Variants in H3-3A observed in about 807,000 individuals in gnomAD.
The protein encoded by H3-3A is H3.3 histone A.
For synonymous variants in H3-3A, 49 were observed against 61.4 expected, an observed-to-expected ratio of 0.80 and a Z score of 0.95; for missense variants, 7 against 184.0, an observed-to-expected ratio of 0.04 and a Z score of 5.57.
At chr1:226,068,547 A>G (rs1197224205) in intron 3 of H3-3A, among the ~76,000 whole-genome samples, 1 of 152,222 alleles carries the variant, frequency 6.6e-6, no homozygotes, top group African/African-American at 2.4e-5. Context: ...GGAGGCTACA[A>G]TATGCCATTT....
chr1:226,069,486 A>G (rs1322872213), intron 3 of H3-3A, among the ~76,000 whole-genome samples: 2 of 152,222 alleles, frequency 1.3e-5, no homozygotes, highest in Non-Finnish European at 2.9e-5. Context: ...CTCCAGATCC[A>G]AAACTGTTGG....
upstream of H3-3A, chr1:226,062,199 C>T (rs952944775): frequency 5.9e-5 from 9 of 151,476 alleles, no homozygotes; most frequent in East Asian, 7.8e-4. Context: ...CCTCCTCCCC[C>T]ACTGCCGCCC....
intron 3 of H3-3A, among the ~76,000 whole-genome samples, chr1:226,071,026 A>G (rs1658104478): frequency 6.6e-6 from 1 of 152,214 alleles, no homozygotes; most frequent in Non-Finnish European, 1.5e-5. Context: ...AGAGTGTTAA[A>G]TTGGATTTCT....
At chr1:226,069,692 G>A (rs529382916) in intron 3 of H3-3A, among the ~76,000 whole-genome samples, 45 of 152,194 alleles carry the variant, frequency 3.0e-4, no homozygotes, top group African/African-American at 1.0e-3. Flanking sequence ...TTAGCTGGAC[G>A]TGATGGTGCA....
intron 3 of H3-3A, among the ~76,000 whole-genome samples, chr1:226,069,705 C>T (rs1035716521): frequency 1.3e-5 from 2 of 152,150 alleles, no homozygotes; most frequent in Non-Finnish European, 2.9e-5. Flanking sequence ...ATGGTGCATG[C>T]CTGTAATCCC....
At position 226,064,494 on chromosome 1, in the gene H3-3A, G is replaced by GA. The variant is rs758609953; in HGVS notation, c.128+22dup. 1.3e-5 allele frequency: 20 copies of GA among 1,590,990 alleles called. No homozygotes were observed. The highest frequency in any genetic ancestry group is 3.5e-5 in the Admixed American group (2 of 56,756). On this transcript the variant is annotated intron_variant, in intron 2 of 3. Coordinates refer to ENST00000366815, the MANE Select transcript of H3-3A (RefSeq NM_002107.7). ...CATCGTTACAGGTATTAAAAAACAGGAAAAAAATGGGACAAAGTCTCTCTT... is the reference window on the plus strand; with the variant it reads ...CATCGTTACAGGTATTAAAAAACAGGAAAAAAAATGGGACAAAGTCTCTCTT...
intron 3 of H3-3A, chr1:226,066,077 C>G: frequency 4.1e-6 from 2 of 491,206 alleles, no homozygotes; most frequent in East Asian, 5.9e-5. Flanking sequence ...GCACTAAAAA[C>G]AATATTTAAA....
intron 1 of H3-3A, chr1:226,063,862 C>T (rs1470479547): frequency 1.4e-5 from 2 of 144,652 alleles, no homozygotes; most frequent in Non-Finnish European, 1.5e-5. Flanking sequence ...AGAATATTTT[C>T]AGATATTTAC....
Position 226,071,445 on chromosome 1 carries a change from A to G in H3-3A, c.377A>G (p.Gln126Arg), listed in dbSNP as rs1276519904. 1 of 1,165,556 alleles carries G rather than the reference A, an allele frequency of 8.6e-7. No homozygotes were observed. The highest frequency in any genetic ancestry group is 1.2e-5 in the South Asian group (1 of 80,902). 72.2% of individuals were successfully genotyped at this position (1,165,556 alleles called of 1,614,324 possible). A position where few individuals can be genotyped will look rare whatever the true frequency, so the allele number is the denominator to read the frequency against. Residue 126 changes from glutamine to arginine, a missense_variant, in exon 4 of 4, where the codon CAG becomes CGG. Physicochemically the swap from Gln to Arg is conservative, Grantham distance 43. Coordinates refer to ENST00000366815, the MANE Select transcript of H3-3A (RefSeq NM_002107.7). Reference protein sequence around the residue: ...KRVTIMPKDIQLARRIRGERA With the variant: ...KRVTIMPKDIRLARRIRGERA ...GTAACAATTATGCCAAAAGACATCC[A>G]GCTAGCACGCCGCATACGTGGAGAA... is the stretch of plus-strand genomic sequence containing the variant.
In H3-3A at chr1:226,062,756, T is replaced by TCTCCAA. The variant is rs1657770943; in HGVS notation, c.-77_-72dup. ...GCAGCCGCCGCCGCGCCGCCGTCGC[T>TCTCCAA]CTCCAACGCCAGCGCCGCCTCTCGC... is the stretch of plus-strand genomic sequence containing the variant. On this transcript the variant is annotated 5_prime_UTR_variant, in exon 1 of 4. Coordinates refer to ENST00000366815, the MANE Select transcript of H3-3A (RefSeq NM_002107.7). 5.9e-6 allele frequency: 1 copy of TCTCCAA among 168,594 alleles called. No homozygotes were observed. Among genetic ancestry groups the TCTCCAA allele is most frequent in the Non-Finnish European group, 1.3e-5 (1 of 74,352 alleles). The allele number at this position is 168,594 out of a possible 1,614,324, so 10.4% of individuals were successfully genotyped here. A position where few individuals can be genotyped will look rare whatever the true frequency, so the allele number is the denominator to read the frequency against.
At chr1:226,062,462 G>A (rs905580341), upstream of H3-3A, among the ~76,000 whole-genome samples, 7 of 150,482 alleles carry the variant, frequency 4.7e-5, 1 homozygote, top group Admixed American at 4.0e-4. Flanking sequence ...CTCGGCGGGA[G>A]CCGGCGGCCC....
intron 3 of H3-3A, among the ~76,000 whole-genome samples, chr1:226,068,287 T>C (rs1657991415): frequency 6.6e-6 from 1 of 152,184 alleles, no homozygotes; most frequent in African/African-American, 2.4e-5. Flanking sequence ...ACAATCCTTA[T>C]AAACTAGTAG....
chr1:226,065,989 G>A, intron 3 of H3-3A, 180 bp downstream of exon 3: 1 of 618,546 alleles, frequency 1.6e-6, no homozygotes, highest in East Asian at 2.8e-5. Context: ...GTAGAAAATG[G>A]CAAAACCATA....
intron 2 of H3-3A, among the ~76,000 whole-genome samples, chr1:226,065,401 A>T (rs1390055774): frequency 6.6e-6 from 1 of 152,238 alleles, no homozygotes; most frequent in Non-Finnish European, 1.5e-5. Context: ...ATAACTTTTT[A>T]AAATGAAAAT....
chr1:226,069,991 A>G (rs768870805), intron 3 of H3-3A, among the ~76,000 whole-genome samples: 3 of 152,214 alleles, frequency 2.0e-5, no homozygotes, highest in Non-Finnish European at 4.4e-5. Context: ...TCAATGAGTG[A>G]TTCATACACT....
chr1:226,066,046 C>T (rs1657912876), intron 3 of H3-3A: 2 of 505,332 alleles, frequency 4.0e-6, no homozygotes, highest in East Asian at 5.9e-5. Flanking sequence ...TCCATTATAC[C>T]ATTTAAAATT....
At chr1:226,068,535 A>G (rs1034280867) in intron 3 of H3-3A, among the ~76,000 whole-genome samples, 1 of 152,188 alleles carries the variant, frequency 6.6e-6, no homozygotes, top group East Asian at 1.9e-4. Context: ...GTGAGCCCCT[A>G]AGGAGGCTAC....
At chr1:226,062,144 T>C (rs1172160556), upstream of H3-3A, 1 of 151,950 alleles carries the variant, frequency 6.6e-6, no homozygotes, top group African/African-American at 2.4e-5. Context: ...AGCTTCCTGC[T>C]GGGGAGCGTT....
intron 3 of H3-3A, among the ~76,000 whole-genome samples, chr1:226,067,857 CTT>C (rs1182067770): frequency 6.6e-6 from 1 of 152,152 alleles, no homozygotes; most frequent in Non-Finnish European, 1.5e-5. Flanking sequence ...GAATTACACA[CTT>C]TACAACTAAA....
Sources: gnomAD v4.1 joint callset for allele counts (sites outside exome capture counted in the v4.1 genomes callset) on GRCh38, gnomAD v4.1.1 for gene constraint, MANE v1.5 for transcripts, NCBI Gene and HGNC (gene_info 2026-07-23, HGNC 2026-07-21) for gene names.